Variants in FAM110B observed in about 807,000 individuals in gnomAD.
The protein encoded by FAM110B is protein FAM110B.
FAM110B carries 6 observed loss-of-function variants against 20.4 expected under a neutral mutation model. That is an observed-to-expected ratio of 0.29 (90% CI 0.16 to 0.58). FAM110B has a LOEUF of 0.58. Among genes scored for constraint, FAM110B ranks in the 20% least tolerant of loss-of-function variants. FAM110B has a pLI of 0.90. For synonymous variants in FAM110B, 226 were observed against 214.1 expected (o/e 1.06, Z -0.49); for missense variants, 434 against 498.2 (o/e 0.87, Z 1.23).
chr8:58,050,607 A>G (rs1805419519), intron 2 of FAM110B, among the ~76,000 whole-genome samples: 1 of 152,220 alleles, frequency 6.6e-6, no homozygotes. Context: ...GGGCCTTCTC[A>G]GGAACATTGC....
At chr8:58,066,673 CTT>C (rs1436454489) in intron 2 of FAM110B, among the ~76,000 whole-genome samples, 1 of 152,140 alleles carries the variant, frequency 6.6e-6, no homozygotes, top group African/African-American at 2.4e-5. Flanking sequence ...CCTGGGTACT[CTT>C]TTCTTTTCCT....
At chr8:58,143,915 G>A (rs149383430) in intron 3 of FAM110B, among the ~76,000 whole-genome samples, 62 of 152,278 alleles carry the variant, frequency 4.1e-4, no homozygotes, top group African/African-American at 1.4e-3. Flanking sequence ...CAGTCAGTGC[G>A]GGACCATAGA....
At chr8:58,042,087 G>A (rs1055330506) in intron 2 of FAM110B, among the ~76,000 whole-genome samples, 3 of 152,174 alleles carry the variant, frequency 2.0e-5, no homozygotes, top group African/African-American at 7.2e-5. Flanking sequence ...ATAAGACATA[G>A]AATTTTTTAT....
At chr8:58,057,882 A>G (rs1805580101) in intron 2 of FAM110B, among the ~76,000 whole-genome samples, 1 of 152,262 alleles carries the variant, frequency 6.6e-6, no homozygotes, top group African/African-American at 2.4e-5. Context: ...CTGTCGCTAA[A>G]TGATTCACCT....
chr8:58,114,674 G>A (rs1352849345), intron 3 of FAM110B, among the ~76,000 whole-genome samples: 1 of 152,216 alleles, frequency 6.6e-6, no homozygotes, highest in African/African-American at 2.4e-5. Context: ...GAAGGTACAA[G>A]GGTTGAATAA....
At chr8:58,052,931 G>A (rs978020539) in intron 2 of FAM110B, among the ~76,000 whole-genome samples, 3 of 149,490 alleles carry the variant, frequency 2.0e-5, no homozygotes, top group Non-Finnish European at 3.0e-5. Context: ...GACTACAGGC[G>A]CCCGCTACCA....
intron 1 of FAM110B, among the ~76,000 whole-genome samples, chr8:58,026,818 A>G (rs1804864232): frequency 6.6e-6 from 1 of 152,198 alleles, no homozygotes; most frequent in Non-Finnish European, 1.5e-5. Context: ...TCAAACTTCT[A>G]CATATGGTCA....
At position 58,054,877 on chromosome 8, in the gene FAM110B, A is replaced by T. The variant is rs527434366; in HGVS notation, c.-413-20658A>T. Among the ~76,000 whole-genome samples, 28 of 152,172 alleles carry T rather than the reference A, an allele frequency of 1.8e-4. No individual in the cohort carries two copies. In the South Asian group the frequency reaches 5.2e-3, roughly 28 times the overall value. ...CTTTACTCATATATCTTAAAAATTAACAGTTATTTCATAGCACTTTCTCAG... is the reference window on the plus strand; with the variant it reads ...CTTTACTCATATATCTTAAAAATTATCAGTTATTTCATAGCACTTTCTCAG... On this transcript the variant is annotated intron_variant, in intron 2 of 3. Coordinates refer to ENST00000519262, the MANE Select transcript of FAM110B (RefSeq NM_001377989.1).
chr8:58,010,932 G>A (rs192687506), intron 1 of FAM110B, among the ~76,000 whole-genome samples: 6 of 152,284 alleles, frequency 3.9e-5, no homozygotes, highest in South Asian at 4.2e-4. Context: ...CAAAATTATC[G>A]TGACACTGTT....
chr8:58,092,715 A>G (rs1049234928), intron 3 of FAM110B, among the ~76,000 whole-genome samples: 3 of 152,202 alleles, frequency 2.0e-5, no homozygotes, highest in Non-Finnish European at 2.9e-5. Context: ...TAATATGTGC[A>G]TGTGTCTTTA....
intron 3 of FAM110B, among the ~76,000 whole-genome samples, chr8:58,143,116 A>C (rs754274141): frequency 4.4e-4 from 67 of 152,278 alleles, no homozygotes; most frequent in Non-Finnish European, 8.4e-4. Flanking sequence ...ACAGTAAAAA[A>C]TAAAAGAACC....
intron 1 of FAM110B, among the ~76,000 whole-genome samples, chr8:58,014,698 T>G (rs1263176467): frequency 6.6e-6 from 1 of 152,220 alleles, no homozygotes; most frequent in Non-Finnish European, 1.5e-5. Context: ...CCTAACTGCT[T>G]TGCATTTTTC....
At chr8:58,102,773 T>C (rs1300330512) in intron 3 of FAM110B, among the ~76,000 whole-genome samples, 2 of 152,112 alleles carry the variant, frequency 1.3e-5, no homozygotes, top group Non-Finnish European at 2.9e-5. Context: ...TTCCCTTCTT[T>C]TTGAGGGGCC....
rs142169189 is a variant in FAM110B, at chr8:58,130,329, A to G, written c.-324-15578A>G. ...GTAGCTAACATATATTGCCGCCTCT[A>G]CGATCATGAGTCCTGGTATCAGCCC... is the stretch of plus-strand genomic sequence containing the variant. On this transcript the variant is annotated intron_variant, in intron 3 of 3. Coordinates refer to ENST00000519262, the MANE Select transcript of FAM110B (RefSeq NM_001377989.1). 9.2e-5 allele frequency among the ~76,000 whole-genome samples: 14 copies of G among 152,348 alleles called. No homozygotes were observed. The East Asian group carries it at 2.7e-3, about 29-fold the overall frequency.
intron 1 of FAM110B, among the ~76,000 whole-genome samples, chr8:58,021,477 C>T (rs995935058): frequency 2.6e-5 from 4 of 152,150 alleles, no homozygotes; most frequent in Non-Finnish European, 5.9e-5. Context: ...AAGACACATA[C>T]ACAGAACCGA....
chr8:58,047,575 A>G (rs1181140058), intron 2 of FAM110B, among the ~76,000 whole-genome samples: 5 of 100,150 alleles, frequency 5.0e-5, no homozygotes, highest in Non-Finnish European at 8.9e-5. Context: ...TCAAATTGTA[A>G]TTAATCTTCC....
At chr8:58,006,923 A>ATATATATTTTTTTTT in intron 1 of FAM110B, among the ~76,000 whole-genome samples, 36 of 126,530 alleles carry the variant, frequency 2.8e-4, no homozygotes, top group South Asian at 2.3e-3. Flanking sequence ...ATATATATAT[A>ATATATATTTTTTTTT]TTTTTCCAAA....
At chr8:58,092,759 C>T (rs1806514175) in intron 3 of FAM110B, among the ~76,000 whole-genome samples, 1 of 152,178 alleles carries the variant, frequency 6.6e-6, no homozygotes, top group South Asian at 2.1e-4. Context: ...TGGGTATACA[C>T]CCAGTAATGG....
chr8:58,141,356 G>A (rs1158604217), intron 3 of FAM110B, among the ~76,000 whole-genome samples: 1 of 152,206 alleles, frequency 6.6e-6, no homozygotes, highest in East Asian at 1.9e-4. Flanking sequence ...TTGCTCCCAA[G>A]AATGTTTGAG....
Sources: allele counts gnomAD v4.1 joint callset (sites outside exome capture counted in the v4.1 genomes callset), GRCh38; gene constraint gnomAD v4.1.1; transcripts MANE v1.5; gene names NCBI Gene and HGNC (gene_info 2026-07-23, HGNC 2026-07-21).